LUZP2: variants seen among roughly 807,000 people sequenced by gnomAD.
LUZP2 encodes leucine zipper protein 2.
A neutral mutation model predicts 51.6 loss-of-function variants in LUZP2; 52 were observed. The ratio of observed to expected loss-of-function variants is 1.01; its 90% CI spans 0.81 to 1.27. The LOEUF is 1.27. Among genes scored for constraint, LUZP2 ranks in the 50% most tolerant of loss-of-function variants. The pLI, the probability that LUZP2 is intolerant of heterozygous loss-of-function variation, is 0.00. For missense variants in LUZP2, 436 were observed against 395.4 expected, an observed-to-expected ratio of 1.10 and a Z score of -0.87; for synonymous variants, 154 against 137.3, an observed-to-expected ratio of 1.12 and a Z score of -0.85.
chr11:24,905,937 G>A (rs2133787658), intron 5 of LUZP2, 54 bp from the exon 6 acceptor site: 1 of 1,272,688 alleles, frequency 7.9e-7, no homozygotes, highest in Non-Finnish European at 1.1e-6. Context: ...ATAGTTGAAG[G>A]AATTCTTAAT....
At chr11:24,533,768 T>C (rs1400299421) in intron 1 of LUZP2, among the ~76,000 whole-genome samples, 3 of 150,758 alleles carry the variant, frequency 2.0e-5, no homozygotes, top group Non-Finnish European at 4.5e-5. Flanking sequence ...GGACAATCTA[T>C]TTCAAATTAT....
chr11:24,569,627 AAT>A (rs146929233), intron 1 of LUZP2, among the ~76,000 whole-genome samples: 79 of 152,164 alleles, frequency 5.2e-4, no homozygotes, highest in African/African-American at 1.8e-3. Context: ...AGCAGAAGAA[AAT>A]AGTTGTTTGT....
At chr11:24,584,004 G>A (rs375289169) in intron 1 of LUZP2, among the ~76,000 whole-genome samples, 7 of 151,792 alleles carry the variant, frequency 4.6e-5, no homozygotes, top group African/African-American at 1.5e-4. Flanking sequence ...GAGCCACCGC[G>A]CCTGACCTAC....
At chr11:24,636,906 G>C (rs1278585883) in intron 1 of LUZP2, among the ~76,000 whole-genome samples, 6 of 149,470 alleles carry the variant, frequency 4.0e-5, no homozygotes, top group Non-Finnish European at 7.4e-5. Flanking sequence ...AATGATATAA[G>C]CCAATTTTTG....
chr11:24,579,536 T>C (rs568860525), intron 1 of LUZP2, among the ~76,000 whole-genome samples: 6 of 152,112 alleles, frequency 3.9e-5, no homozygotes, highest in South Asian at 2.1e-4. Flanking sequence ...TGGTTTCAAC[T>C]TTTGATTCTT....
rs1040149013 is a variant in LUZP2 at position 24,546,396 on chromosome 11, T to C, written c.62+49091T>C. Among the ~76,000 whole-genome samples, 76 of 152,054 alleles carry C rather than the reference T, an allele frequency of 5.0e-4. 1 individual carries two copies. Among genetic ancestry groups the C allele is most frequent in the Admixed American group, 1.4e-3 (22 of 15,224 alleles). On this transcript the variant is annotated intron_variant, in intron 1 of 11. Transcript: ENST00000336930. ...GAAATGCTTCCAGCTCCTCCCTGTT[T>C]AGTATGAGGATGACTGTGGGTTTGC...
chr11:24,612,857 G>A (rs1854165220), intron 1 of LUZP2, among the ~76,000 whole-genome samples: 1 of 151,942 alleles, frequency 6.6e-6, no homozygotes, highest in Admixed American at 6.6e-5. Context: ...ATTTTCTTTA[G>A]GGAGGTGCAT....
At chr11:24,712,389 G>C (rs960494010) in intron 1 of LUZP2, among the ~76,000 whole-genome samples, 1 of 151,840 alleles carries the variant, frequency 6.6e-6, no homozygotes, top group African/African-American at 2.4e-5. Flanking sequence ...CAGCCTGAGT[G>C]ACAGAGTGAG....
intron 5 of LUZP2, among the ~76,000 whole-genome samples, chr11:24,879,242 C>A (rs1590679124): frequency 6.6e-6 from 1 of 152,276 alleles, no homozygotes; most frequent in African/African-American, 2.4e-5. Flanking sequence ...CCCTGCCCAG[C>A]TGATCTCATT....
intron 5 of LUZP2, among the ~76,000 whole-genome samples, chr11:24,768,733 G>C (rs1004356279): frequency 6.6e-6 from 1 of 150,472 alleles, no homozygotes; most frequent in African/African-American, 2.4e-5. Flanking sequence ...AAAATGGCTG[G>C]TATCAAAAAG....
intron 10 of LUZP2, among the ~76,000 whole-genome samples, chr11:25,071,813 T>A (rs1859165732): frequency 6.9e-6 from 1 of 145,496 alleles, no homozygotes; most frequent in African/African-American, 2.6e-5. Context: ...AAACTTAAAG[T>A]ATAGTAAAAA....
intron 1 of LUZP2, among the ~76,000 whole-genome samples, chr11:24,693,530 A>G (rs1857144426): frequency 6.6e-6 from 1 of 152,000 alleles, no homozygotes; most frequent in Admixed American, 6.6e-5. Context: ...AAAATACACA[A>G]ACAGGAAGTT....
intron 11 of LUZP2, 66 bp from the exon 12 acceptor site, chr11:25,078,488 T>C: frequency 7.7e-7 from 1 of 1,294,302 alleles, no homozygotes; most frequent in Non-Finnish European, 1.1e-6. Context: ...TTTTAGACTT[T>C]TCAATTTTTA....
At chr11:24,794,192 G>T (rs1849485055) in intron 5 of LUZP2, among the ~76,000 whole-genome samples, 1 of 152,058 alleles carries the variant, frequency 6.6e-6, no homozygotes, top group African/African-American at 2.4e-5. Flanking sequence ...AGAAGGAAGT[G>T]CCATTAAACC....
At chr11:24,883,261 T>C (rs1305988748) in intron 5 of LUZP2, among the ~76,000 whole-genome samples, 1 of 142,868 alleles carries the variant, frequency 7.0e-6, no homozygotes, top group Non-Finnish European at 1.5e-5. Context: ...GGAAGAAAAT[T>C]TGTTCTCTTT....
At chr11:24,991,967 A>G (rs1856360234) in intron 9 of LUZP2, among the ~76,000 whole-genome samples, 1 of 152,040 alleles carries the variant, frequency 6.6e-6, no homozygotes, top group Non-Finnish European at 1.5e-5. Flanking sequence ...TCTGGATATT[A>G]GTCCTTTGTC....
chr11:25,059,417 T>C (rs768844119), intron 10 of LUZP2, among the ~76,000 whole-genome samples: 4 of 152,224 alleles, frequency 2.6e-5, no homozygotes, highest in Non-Finnish European at 4.4e-5. Context: ...TATCTTTTTG[T>C]AATCATTTCA....
intron 9 of LUZP2, among the ~76,000 whole-genome samples, chr11:25,010,040 T>A (rs185893749): frequency 1.3e-5 from 2 of 152,314 alleles, no homozygotes; most frequent in Admixed American, 1.3e-4. Context: ...TACATTAGTT[T>A]GTTAACATTT....
chr11:24,827,939 G>T (rs1307839332), intron 5 of LUZP2, among the ~76,000 whole-genome samples: 2 of 151,998 alleles, frequency 1.3e-5, no homozygotes, highest in East Asian at 3.9e-4. Context: ...AGAGATACAT[G>T]CATTAGACTA....
Sources: gnomAD v4.1 joint callset for allele counts (sites outside exome capture counted in the v4.1 genomes callset) on GRCh38, gnomAD v4.1.1 for gene constraint, MANE v1.5 for transcripts, NCBI Gene and HGNC (gene_info 2026-07-23, HGNC 2026-07-21) for gene names.